PEX5L: variants seen among roughly 807,000 people sequenced by gnomAD.
PEX5L encodes the protein peroxisomal biogenesis factor 5 like, also known as PEX5-related protein.
PEX5L carries 30 observed loss-of-function variants against 84.0 expected under a neutral mutation model. The ratio of observed to expected loss-of-function variants is 0.36; its 90% CI spans 0.27 to 0.48. PEX5L has a LOEUF of 0.48. Among genes scored for constraint, PEX5L ranks in the 20% least tolerant of loss-of-function variants. The pLI is 0.99. For synonymous variants in PEX5L, 270 were observed against 283.1 expected (o/e 0.95, Z 0.46); for missense variants, 533 against 754.6 (o/e 0.71, Z 3.44).
At chr3:179,945,142 C>T (rs1387353130) in intron 2 of PEX5L, among the ~76,000 whole-genome samples, 2 of 152,134 alleles carry the variant, frequency 1.3e-5, no homozygotes, top group Admixed American at 1.3e-4. Context: ...CGTATAGAGC[C>T]AAGTTTACCG....
chr3:179,828,814 G>T (rs1371648149), intron 8 of PEX5L, among the ~76,000 whole-genome samples: 1 of 152,098 alleles, frequency 6.6e-6, no homozygotes, highest in Non-Finnish European at 1.5e-5. Context: ...AGGAATAAGA[G>T]TCTATGACAT....
chr3:179,875,388 A>T lies in PEX5L; in HGVS notation c.595T>A (p.Ser199Thr), dbSNP rs1056948962. 6.2e-6 allele frequency: 10 copies of T among 1,613,850 alleles called. No homozygotes were observed. In the Middle Eastern group the frequency reaches 6.6e-4, roughly 106 times the overall value. The change falls in exon 6 of 15, where the codon TCC (serine) becomes ACC (threonine). Residue 199 changes from serine to threonine, a missense_variant. Ser to Thr is a moderately conservative substitution (Grantham distance 58). Coordinates refer to ENST00000467460, the MANE Select transcript of PEX5L (RefSeq NM_016559.3). The stretch of plus-strand genomic sequence containing the variant: ...TCTTTTGATCCAGTTCTAGATGAGG[A>T]TGATTTTCTCTCTGCCATTGGATGT... Reference protein sequence around the residue: ...KGHPMAERKSSSSRTGSKELL... With the variant: ...KGHPMAERKSTSSRTGSKELL...
intron 8 of PEX5L, among the ~76,000 whole-genome samples, chr3:179,830,412 G>T: frequency 6.6e-6 from 1 of 151,672 alleles, no homozygotes; most frequent in Non-Finnish European, 1.5e-5. Flanking sequence ...CTGCTTTGAC[G>T]CTGAAATCAA....
At chr3:180,031,294 G>C (rs556185311) in intron 1 of PEX5L, among the ~76,000 whole-genome samples, 4 of 152,076 alleles carry the variant, frequency 2.6e-5, no homozygotes, top group Non-Finnish European at 5.9e-5. Context: ...GAGCAGACTG[G>C]GAAAGAAAGT....
At chr3:179,830,499 C>A (rs186728301) in intron 8 of PEX5L, among the ~76,000 whole-genome samples, 32 of 152,214 alleles carry the variant, frequency 2.1e-4, no homozygotes, top group African/African-American at 7.7e-4. Flanking sequence ...GTGCTGGTGG[C>A]ATCACGTGGG....
At chr3:179,827,185 T>C (rs906338053) in intron 8 of PEX5L, among the ~76,000 whole-genome samples, 3 of 152,226 alleles carry the variant, frequency 2.0e-5, no homozygotes, top group Middle Eastern at 3.2e-3. Flanking sequence ...GCTCTGTCTT[T>C]GAATGCCTGC....
At chr3:179,990,699 A>G (rs1299637396) in intron 1 of PEX5L, among the ~76,000 whole-genome samples, 1 of 152,138 alleles carries the variant, frequency 6.6e-6, no homozygotes, top group Non-Finnish European at 1.5e-5. Context: ...CACTGCCCCC[A>G]GCCCATTCTG....
chr3:179,900,600 C>T (rs1760963186), intron 2 of PEX5L: 2 of 1,057,056 alleles, frequency 1.9e-6, no homozygotes, highest in South Asian at 1.4e-5. Context: ...TAGAACAAAG[C>T]AGTGGTCAGC....
At chr3:179,892,931 T>A (rs78597061) in intron 3 of PEX5L, among the ~76,000 whole-genome samples, 30 of 152,102 alleles carry the variant, frequency 2.0e-4, no homozygotes, top group Non-Finnish European at 3.5e-4. Context: ...ATTCCCTCCA[T>A]GCTGATTTTA....
intron 1 of PEX5L, among the ~76,000 whole-genome samples, chr3:180,023,771 CAGAG>C (rs139045124): frequency 4.6e-3 from 475 of 102,634 alleles, no homozygotes; most frequent in African/African-American, 0.012. Context: ...CGCACACACA[CAGAG>C]AGAGAGAGAG....
chr3:179,865,127 C>T (rs1025162325), intron 7 of PEX5L, among the ~76,000 whole-genome samples: 1 of 152,184 alleles, frequency 6.6e-6, no homozygotes, highest in Admixed American at 6.5e-5. Flanking sequence ...GCTTACAGTT[C>T]ATATTCTCTT....
chr3:179,872,274 C>A (rs1438572243), intron 7 of PEX5L, among the ~76,000 whole-genome samples: 1 of 152,078 alleles, frequency 6.6e-6, no homozygotes, highest in African/African-American at 2.4e-5. Context: ...TGTTTCAGAT[C>A]TATTAAGTCC....
At position 179,818,007 on chromosome 3, in the gene PEX5L, A is replaced by C. The variant is rs994152931; in HGVS notation, c.939+1853T>G. 3.3e-5 allele frequency among the ~76,000 whole-genome samples: 5 copies of C among 152,300 alleles called. No homozygotes were observed. In the East Asian group the frequency reaches 9.6e-4, roughly 29 times the overall value. On this transcript the variant is annotated intron_variant, in intron 9 of 14. Transcript: ENST00000467460. Reference sequence around the variant, plus strand: ...ATGAGATGGTTGTTCTAATTTTATGAGATTGCCTGGCCCATTGAGGGACAG... The same window carrying C: ...ATGAGATGGTTGTTCTAATTTTATGCGATTGCCTGGCCCATTGAGGGACAG...
rs79598669 is a variant in PEX5L at position 179,929,601 on chromosome 3, A to G, written c.94-31355T>C. Among the ~76,000 whole-genome samples, 561 of 152,042 alleles carry G rather than the reference A, an allele frequency of 3.7e-3. 3 individuals carry two copies. The highest frequency in any genetic ancestry group is 6.1e-3 in the Non-Finnish European group (417 of 67,992). ...ATATAGAACTACTCTTTAAGTATAC[A>G]CAAAGAACAGGCACATGTTTGCATT... On this transcript the variant is annotated intron_variant, in intron 2 of 14. Transcript: ENST00000467460.
chr3:179,908,275 C>A (rs1232729403), intron 2 of PEX5L, among the ~76,000 whole-genome samples: 3 of 152,128 alleles, frequency 2.0e-5, no homozygotes, highest in Admixed American at 2.0e-4. Flanking sequence ...CCACAGTCAG[C>A]GTGTAGCTGG....
intron 2 of PEX5L, among the ~76,000 whole-genome samples, chr3:179,914,080 CAG>C (rs1392204661): frequency 6.6e-6 from 1 of 152,128 alleles, no homozygotes; most frequent in Non-Finnish European, 1.5e-5. Context: ...CTTTGACTAA[CAG>C]AGATTGATGT....
chr3:179,795,007 G>T lies in PEX5L; in HGVS notation c.*6821C>A, dbSNP rs1434613024. On this transcript the variant is annotated 3_prime_UTR_variant, in exon 15 of 15. Transcript: ENST00000467460. ...AAAGAATCACAAAATTCAATTTCAG[G>T]TTAAATAATATTTTAGTCTTAAAAA... 1 of 151,992 alleles carries T rather than the reference G, an allele frequency of 6.6e-6. No individual in the cohort carries two copies. Among genetic ancestry groups the T allele is most frequent in the Non-Finnish European group, 1.5e-5 (1 of 67,970 alleles). The allele number at this position is 151,992 out of a possible 1,614,324, so 9.4% of individuals were successfully genotyped here.
At chr3:180,006,601 T>G (rs1367568189) in intron 1 of PEX5L, among the ~76,000 whole-genome samples, 1 of 152,182 alleles carries the variant, frequency 6.6e-6, no homozygotes, top group Non-Finnish European at 1.5e-5. Context: ...TGCTGGGCAG[T>G]GGCATACCCA....
chr3:180,033,906 G>C (rs1007493348), intron 1 of PEX5L, among the ~76,000 whole-genome samples: 31 of 152,136 alleles, frequency 2.0e-4, no homozygotes, highest in African/African-American at 7.2e-4. Context: ...TGCTCTATCT[G>C]TAATAGATGC....
Sources: gnomAD v4.1 joint callset for allele counts (sites outside exome capture counted in the v4.1 genomes callset) on GRCh38, gnomAD v4.1.1 for gene constraint, MANE v1.5 for transcripts, NCBI Gene and HGNC (gene_info 2026-07-23, HGNC 2026-07-21) for gene names.